The following CXCL13 variants were observed in gnomAD, a reference collection of about 807,000 sequenced individuals.
CXCL13 encodes C-X-C motif chemokine 13.
In CXCL13, 7 loss-of-function variants were observed where a neutral mutation model predicts 12.2. The ratio of observed to expected loss-of-function variants is 0.57; its 90% CI spans 0.33 to 1.07. The LOEUF is 1.07. Ranked by LOEUF, CXCL13 falls within the 50% of genes least tolerant of loss-of-function variation. The pLI, the probability that CXCL13 is intolerant of heterozygous loss-of-function variation, is 0.04. For missense variants in CXCL13, 113 were observed against 127.4 expected, an observed-to-expected ratio of 0.89 and a Z score of 0.55; for synonymous variants, 47 against 42.4, an observed-to-expected ratio of 1.11 and a Z score of -0.42.
chr4:77,533,685 G>A (rs1169420810), intron 1 of CXCL13, among the ~76,000 whole-genome samples: 2 of 152,174 alleles, frequency 1.3e-5, no homozygotes. Context: ...GCTCCACTCA[G>A]TTCGAGCTAC....
At chr4:77,579,544 C>A (rs1030602344) in intron 1 of CXCL13, among the ~76,000 whole-genome samples, 1 of 152,166 alleles carries the variant, frequency 6.6e-6, no homozygotes, top group African/African-American at 2.4e-5. Context: ...GTCTAGTAAT[C>A]CCTATTAGCT....
At chr4:77,585,093 A>G (rs541896051) in intron 1 of CXCL13, among the ~76,000 whole-genome samples, 2 of 152,200 alleles carry the variant, frequency 1.3e-5, no homozygotes, top group East Asian at 3.9e-4. Flanking sequence ...TCCAAATCAC[A>G]CACGTCTGGC....
At chr4:77,602,290 T>G (rs185231516), upstream of CXCL13, among the ~76,000 whole-genome samples, 4 of 152,206 alleles carry the variant, frequency 2.6e-5, no homozygotes, top group African/African-American at 9.6e-5. Context: ...AGTACTGACA[T>G]CTACAGTGGA....
At chr4:77,522,610 T>C (rs1426726389) in intron 1 of CXCL13, among the ~76,000 whole-genome samples, 1 of 146,344 alleles carries the variant, frequency 6.8e-6, no homozygotes, top group Non-Finnish European at 1.5e-5. Context: ...TGTCTCTGCA[T>C]GTGAGATGGG....
chr4:77,568,584 A>T (rs1725991754), intron 1 of CXCL13, among the ~76,000 whole-genome samples: 1 of 152,100 alleles, frequency 6.6e-6, no homozygotes, highest in Non-Finnish European at 1.5e-5. Flanking sequence ...CTAGGATGCG[A>T]GAGTCATGTT....
chr4:77,545,488 T>C (rs1725338200), intron 1 of CXCL13, among the ~76,000 whole-genome samples: 2 of 152,298 alleles, frequency 1.3e-5, no homozygotes, highest in East Asian at 3.9e-4. Flanking sequence ...GATTCCTAGG[T>C]ATTTTATTCT....
upstream of CXCL13, among the ~76,000 whole-genome samples, chr4:77,605,582 T>C (rs1726982418): frequency 1.3e-5 from 2 of 152,138 alleles, no homozygotes; most frequent in Non-Finnish European, 2.9e-5. Flanking sequence ...TTATCCTTTC[T>C]CCCCACCCTC....
chr4:77,516,026 G>A (rs1334493031), intron 1 of CXCL13, among the ~76,000 whole-genome samples: 1 of 152,174 alleles, frequency 6.6e-6, no homozygotes, highest in African/African-American at 2.4e-5. Context: ...AAGTGCTGTT[G>A]AATTTTGTCA....
rs573155556 is a variant in CXCL13 at position 77,531,388 on chromosome 4, T to C, written c.-43+19600T>C. ...ATGCGGTGTTTGGTGGGTTCTAGTTTGATTGCACTGTGGTCTGAGAGACAG... is the reference window on the plus strand; with the variant it reads ...ATGCGGTGTTTGGTGGGTTCTAGTTCGATTGCACTGTGGTCTGAGAGACAG... On this transcript the variant is annotated intron_variant, in intron 1 of 4. Transcript: ENST00000286758. 8.6e-5 allele frequency among the ~76,000 whole-genome samples: 13 copies of C among 151,202 alleles called. No individual in the cohort carries two copies. In the East Asian group the frequency reaches 1.2e-3, roughly 14 times the overall value.
At chr4:77,542,907 A>T (rs900774671) in intron 1 of CXCL13, among the ~76,000 whole-genome samples, 9 of 151,972 alleles carry the variant, frequency 5.9e-5, no homozygotes, top group Non-Finnish European at 2.9e-5. Context: ...ATCTCTCCTT[A>T]ATTTTTTGGG....
intron 1 of CXCL13, among the ~76,000 whole-genome samples, chr4:77,542,131 G>A (rs950055018): frequency 6.6e-6 from 1 of 152,010 alleles, no homozygotes; most frequent in Admixed American, 6.6e-5. Flanking sequence ...GGATTTTCTA[G>A]GTATAGAATC....
At chr4:77,517,154 G>A (rs1323074339) in intron 1 of CXCL13, among the ~76,000 whole-genome samples, 1 of 152,138 alleles carries the variant, frequency 6.6e-6, no homozygotes, top group African/African-American at 2.4e-5. Context: ...TAGTTTGATT[G>A]CACTGTGGTC....
chr4:77,533,856 G>A (rs1394762912), intron 1 of CXCL13, among the ~76,000 whole-genome samples: 3 of 152,200 alleles, frequency 2.0e-5, no homozygotes, highest in African/African-American at 4.8e-5. Context: ...TAATCTCCTG[G>A]TGTGCCATTT....
At chr4:77,599,130 G>A (rs1051947989) in intron 1 of CXCL13, among the ~76,000 whole-genome samples, 1 of 151,828 alleles carries the variant, frequency 6.6e-6, no homozygotes, top group Non-Finnish European at 1.5e-5. Flanking sequence ...TATTACTGAA[G>A]GTAAATAAAA....
At position 77,611,022 on chromosome 4, in the gene CXCL13, A is replaced by C; in HGVS notation, c.313A>C (p.Lys105Gln). 6.2e-7 allele frequency: 1 copy of C among 1,611,336 alleles called. No individual in the cohort carries two copies. Among genetic ancestry groups the C allele is most frequent in the Non-Finnish European group, 8.5e-7 (1 of 1,179,512 alleles). ...TTCAACTCTACCAGTTCCAGTGTTT[A>C]AGAGAAAGATTCCCTGATGCTGATA... Reference protein sequence around the residue: ...SSSTLPVPVFKRKIP With the variant: ...SSSTLPVPVFQRKIP Residue 105 changes from lysine to glutamine, a missense_variant, in exon 4 of 4, where the codon AAG becomes CAG. Coordinates refer to ENST00000682537, the MANE Select transcript of CXCL13 (RefSeq NM_001371558.1).
chr4:77,560,768 T>C (rs1725792795), intron 1 of CXCL13, among the ~76,000 whole-genome samples: 1 of 152,232 alleles, frequency 6.6e-6, no homozygotes, highest in Non-Finnish European at 1.5e-5. Flanking sequence ...TATAATGTAT[T>C]GTACATAGGA....
At chr4:77,585,710 T>C (rs1726439583) in intron 1 of CXCL13, among the ~76,000 whole-genome samples, 1 of 152,230 alleles carries the variant, frequency 6.6e-6, no homozygotes. Flanking sequence ...AAGAATATTT[T>C]CTTAGAACTA....
chr4:77,558,189 C>T (rs984697146), intron 1 of CXCL13, among the ~76,000 whole-genome samples: 8 of 152,236 alleles, frequency 5.3e-5, no homozygotes, highest in African/African-American at 1.2e-4. Flanking sequence ...TTCTAAGATG[C>T]CTCTGGCTGT....
intron 1 of CXCL13, among the ~76,000 whole-genome samples, chr4:77,562,014 C>G (rs1725826508): frequency 6.6e-6 from 1 of 152,180 alleles, no homozygotes; most frequent in African/African-American, 2.4e-5. Flanking sequence ...GCACCTGGGC[C>G]AGCAGCTGCG....
Sources: gnomAD v4.1 joint callset for allele counts (sites outside exome capture counted in the v4.1 genomes callset) on GRCh38, gnomAD v4.1.1 for gene constraint, MANE v1.5 for transcripts, NCBI Gene and HGNC (gene_info 2026-07-23, HGNC 2026-07-21) for gene names.